The following COL6A5 variants were observed in gnomAD, a reference collection of about 807,000 sequenced individuals.
COL6A5 encodes the protein collagen alpha-5(VI) chain.
In COL6A5, 48 loss-of-function variants were observed where a neutral mutation model predicts 65.6. The ratio of observed to expected loss-of-function variants is 0.73; its 90% CI spans 0.58 to 0.93. The LOEUF (loss-of-function observed/expected upper bound fraction) is 0.93, where lower values mean the gene tolerates loss of function less well. Ranked by LOEUF, COL6A5 falls within the 40% of genes least tolerant of loss-of-function variation. The pLI is 0.00. For synonymous variants in COL6A5, 291 were observed against 322.8 expected (o/e 0.90, Z 1.05); for missense variants, 914 against 928.3 (o/e 0.98, Z 0.20).
exon 1 of COL6A5, chr3:130,431,830 A>G (rs1187601392): frequency 1.9e-6 from 3 of 1,551,512 alleles, no homozygotes; most frequent in Non-Finnish European, 2.6e-6. Context: ...TGTGTTTTTT[A>G]GCAATGGTCA....
intron 1 of COL6A5, among the ~76,000 whole-genome samples, chr3:130,363,760 C>T (rs1935226609): frequency 6.6e-6 from 1 of 152,138 alleles, no homozygotes; most frequent in Non-Finnish European, 1.5e-5. Context: ...TTAACACTTG[C>T]TTTTCTGGAA....
intron 7 of COL6A5, 55 bp from the exon 40 acceptor site, chr3:130,471,627 A>G: frequency 6.7e-7 from 1 of 1,485,246 alleles, no homozygotes. Context: ...TTCACATTTA[A>G]TCTTGCAGGG....
At chr3:130,450,996 G>T (rs951531440) in intron 4 of COL6A5, among the ~76,000 whole-genome samples, 2 of 152,136 alleles carry the variant, frequency 1.3e-5, no homozygotes, top group African/African-American at 4.8e-5. Flanking sequence ...GATGGGGTTA[G>T]AACAGCTTTT....
chr3:130,403,394 G>T, intron 12 of COL6A5, among the ~76,000 whole-genome samples: 1 of 152,156 alleles, frequency 6.6e-6, no homozygotes, highest in Non-Finnish European at 1.5e-5. Context: ...GCAAGCATTA[G>T]GAGGGTCACC....
At chr3:130,466,207 A>G (rs371999103) in intron 5 of COL6A5, among the ~76,000 whole-genome samples, 3 of 152,110 alleles carry the variant, frequency 2.0e-5, no homozygotes, top group African/African-American at 7.2e-5. Context: ...ACCAAGATAG[A>G]CCATATTGTG....
chr3:130,378,785 C>G (rs1475257778), intron 3 of COL6A5, among the ~76,000 whole-genome samples: 1 of 144,596 alleles, frequency 6.9e-6, no homozygotes, highest in African/African-American at 2.7e-5. Context: ...GAGAGGCCTT[C>G]CCTGATTTCT....
At chr3:130,440,053 A>C in intron 2 of COL6A5, 113 bp from the exon 35 acceptor site, 13 of 803,940 alleles carry the variant, frequency 1.6e-5, no homozygotes, top group Non-Finnish European at 2.3e-5. Context: ...TCAAAGAGAT[A>C]TTGATCAAAT....
chr3:130,434,928 A>T (rs1937977692), intron 1 of COL6A5, among the ~76,000 whole-genome samples: 1 of 152,118 alleles, frequency 6.6e-6, no homozygotes, highest in Non-Finnish European at 1.5e-5. Flanking sequence ...TGCTGTGCAG[A>T]TGCTGTTTAG....
intron 5 of COL6A5, among the ~76,000 whole-genome samples, chr3:130,465,035 A>G (rs1354726486): frequency 1.3e-5 from 2 of 152,122 alleles, no homozygotes; most frequent in Non-Finnish European, 2.9e-5. Flanking sequence ...CATTTGAAAT[A>G]ACAACTTTTA....
upstream of COL6A5, among the ~76,000 whole-genome samples, chr3:130,427,839 G>A (rs1937638925): frequency 6.6e-6 from 1 of 152,016 alleles, no homozygotes; most frequent in Admixed American, 6.6e-5. Context: ...CAGCTTGCAA[G>A]GAGGCAAGAG....
chr3:130,372,546 A>G (rs1194932495), intron 1 of COL6A5, among the ~76,000 whole-genome samples: 1 of 152,188 alleles, frequency 6.6e-6, no homozygotes, highest in Non-Finnish European at 1.5e-5. Flanking sequence ...TTGAAAACAT[A>G]CTAAATGAAA....
intron 8 of COL6A5, among the ~76,000 whole-genome samples, chr3:130,397,173 C>T (rs1261212939): frequency 1.3e-5 from 2 of 152,146 alleles, no homozygotes; most frequent in African/African-American, 4.8e-5. Context: ...AGCCTCAAAA[C>T]TTTAATGTAT....
At chr3:130,377,913 G>A (rs564376773) in intron 3 of COL6A5, among the ~76,000 whole-genome samples, 1 of 152,190 alleles carries the variant, frequency 6.6e-6, no homozygotes, top group Middle Eastern at 3.4e-3. Flanking sequence ...AGAGTAGATT[G>A]GTAGATTTAT....
chr3:130,450,666 C>T (rs943673652), intron 4 of COL6A5, among the ~76,000 whole-genome samples: 2 of 152,116 alleles, frequency 1.3e-5, no homozygotes, highest in South Asian at 2.1e-4. Flanking sequence ...ATGCCTTGAG[C>T]GTGCTCATCA....
chr3:130,393,889 G>A (rs1199734252), intron 7 of COL6A5, among the ~76,000 whole-genome samples: 2 of 152,196 alleles, frequency 1.3e-5, no homozygotes, highest in Non-Finnish European at 2.9e-5. Context: ...GACAGACCCT[G>A]AAAGTGCTGA....
intron 1 of COL6A5, among the ~76,000 whole-genome samples, chr3:130,356,045 C>T (rs893798197): frequency 2.0e-5 from 3 of 152,086 alleles, no homozygotes; most frequent in African/African-American, 7.2e-5. Flanking sequence ...CTGCCCTCCT[C>T]TTCCTTTTTT....
At chr3:130,473,955 C>T (rs2107619718) in intron 7 of COL6A5, among the ~76,000 whole-genome samples, 1 of 152,170 alleles carries the variant, frequency 6.6e-6, no homozygotes, top group Admixed American at 6.5e-5. Context: ...TTCCTTCAGT[C>T]CCACAATGAT....
intron 4 of COL6A5, among the ~76,000 whole-genome samples, chr3:130,380,563 C>A (rs1935963166): frequency 6.6e-6 from 1 of 152,098 alleles, no homozygotes; most frequent in African/African-American, 2.4e-5. Flanking sequence ...ACAGCCCTTT[C>A]TATGATGCTG....
At chr3:130,395,431 C>T in exon 8 of COL6A5, 1 of 1,545,676 alleles carries the variant, frequency 6.5e-7, no homozygotes. Flanking sequence ...AAAAAAGAAT[C>T]ATCCGTGAAA....
Sources: gnomAD v4.1 joint callset for allele counts (sites outside exome capture counted in the v4.1 genomes callset) on GRCh38, gnomAD v4.1.1 for gene constraint, MANE v1.5 for transcripts, NCBI Gene and HGNC (gene_info 2026-07-23, HGNC 2026-07-21) for gene names.